TTLL11: variants seen among roughly 807,000 people sequenced by gnomAD.
The protein encoded by TTLL11 is tubulin tyrosine ligase like 11.
In TTLL11, 42 loss-of-function variants were observed where a neutral mutation model predicts 51.7. That is an observed-to-expected ratio of 0.81 (90% confidence interval 0.64 to 1.05). The LOEUF is 1.05. TTLL11 is among the 50% of genes least tolerant of loss of function. The pLI is 0.00. For synonymous variants in TTLL11, 381 were observed against 383.5 expected, an observed-to-expected ratio of 0.99 and a Z score of 0.08; for missense variants, 799 against 940.4, an observed-to-expected ratio of 0.85 and a Z score of 1.97.
rs200388791 is a variant in TTLL11 at position 122,031,747 on chromosome 9, G to T, written c.669C>A (p.Asp223Glu). ...NFYPRSWILP[D>E]EFQLFVAQVQ... The stretch of plus-strand genomic sequence containing the variant: ...CCTGAGCAACAAAGAGCTGGAACTC[G>T]TCAGGCAGAATCCATGAGCGAGGGT... The change falls in exon 3 of 9, where the codon GAC (aspartate) becomes GAA (glutamate). Residue 223 changes from aspartate (D) to glutamate (E), a missense_variant. This residue lies in a region of TTLL11 where 468 missense variants were observed against 612.8 expected (regional missense o/e 0.76). Coordinates refer to ENST00000321582, the MANE Select transcript of TTLL11 (RefSeq NM_001139442.2). The T allele has an allele frequency of 1.9e-6, 3 of 1,612,818 alleles. No individual in the cohort carries two copies. The highest frequency in any genetic ancestry group is 2.7e-5 in the African/African-American group (2 of 74,872).
chr9:121,820,545 G>C lies in TTLL11; in HGVS notation c.*2042C>G, dbSNP rs956655760. ...ACCCCAGGCAGCCCCGAGCGGGGTA[G>C]CTGCAGGGTCTTTACTTGGAGCTGA... On this transcript the variant is annotated 3_prime_UTR_variant, in exon 9 of 9. Transcript: ENST00000321582. 7.2e-4 allele frequency among the ~76,000 whole-genome samples: 109 copies of C among 152,156 alleles called. 8 individuals carry two copies. Among genetic ancestry groups the C allele is most frequent in the Non-Finnish European group, 5.9e-5 (4 of 68,038 alleles).
chr9:122,087,302 C>T (rs576612049), intron 1 of TTLL11, among the ~76,000 whole-genome samples: 3 of 152,092 alleles, frequency 2.0e-5, no homozygotes, highest in Non-Finnish European at 2.9e-5. Context: ...CTCCGCCTCC[C>T]GGGTTCAAGC....
At chr9:122,017,525 C>T (rs535119326) in intron 3 of TTLL11, among the ~76,000 whole-genome samples, 31 of 142,116 alleles carry the variant, frequency 2.2e-4, no homozygotes, top group Admixed American at 1.1e-3. Context: ...TGCAGAGGTG[C>T]GATCTTGGCT....
chr9:121,912,419 C>T (rs1195738061), intron 6 of TTLL11, among the ~76,000 whole-genome samples: 1 of 149,224 alleles, frequency 6.7e-6, no homozygotes, highest in Non-Finnish European at 1.5e-5. Context: ...TGCTTATGAT[C>T]CCCCAGATAT....
At chr9:121,944,382 C>A (rs1414343529) in intron 6 of TTLL11, among the ~76,000 whole-genome samples, 1 of 152,004 alleles carries the variant, frequency 6.6e-6, no homozygotes, top group Non-Finnish European at 1.5e-5. Flanking sequence ...GTGGCAGGCA[C>A]CTGTAGTCTC....
At chr9:121,907,666 A>G (rs993381176) in intron 6 of TTLL11, among the ~76,000 whole-genome samples, 2 of 152,188 alleles carry the variant, frequency 1.3e-5, no homozygotes, top group African/African-American at 4.8e-5. Flanking sequence ...TGTCTAGATT[A>G]TCTGCTCACT....
At chr9:122,002,310 C>T (rs1209165414) in intron 3 of TTLL11, among the ~76,000 whole-genome samples, 3 of 152,238 alleles carry the variant, frequency 2.0e-5, no homozygotes, top group Non-Finnish European at 4.4e-5. Flanking sequence ...GACTGCTCTT[C>T]CAAATTTACT....
At chr9:121,909,177 C>T (rs1284630268) in intron 6 of TTLL11, among the ~76,000 whole-genome samples, 3 of 152,160 alleles carry the variant, frequency 2.0e-5, no homozygotes, top group African/African-American at 7.2e-5. Flanking sequence ...CCAACCATAT[C>T]TGAGTGTTGG....
intron 1 of TTLL11, among the ~76,000 whole-genome samples, chr9:122,045,939 T>C (rs894200529): frequency 2.6e-5 from 4 of 152,158 alleles, no homozygotes; most frequent in Non-Finnish European, 5.9e-5. Context: ...GAGTGTCAGT[T>C]TGGGAAGATA....
intron 7 of TTLL11, among the ~76,000 whole-genome samples, chr9:121,870,138 C>T (rs929144919): frequency 2.6e-5 from 4 of 152,158 alleles, no homozygotes; most frequent in African/African-American, 7.2e-5. Context: ...GCTTCACGAA[C>T]GCCAAACACA....
intron 6 of TTLL11, among the ~76,000 whole-genome samples, chr9:121,963,422 G>A (rs768521091): frequency 2.0e-5 from 3 of 152,148 alleles, no homozygotes; most frequent in South Asian, 2.1e-4. Context: ...AACATTTAAG[G>A]TTCACTGGTG....
At chr9:121,940,005 C>T (rs988271451) in intron 6 of TTLL11, among the ~76,000 whole-genome samples, 5 of 152,090 alleles carry the variant, frequency 3.3e-5, no homozygotes, top group Non-Finnish European at 5.9e-5. Context: ...AGGTGACTGC[C>T]GAGAAAGGAC....
intron 8 of TTLL11, among the ~76,000 whole-genome samples, chr9:121,823,320 T>C (rs1836642603): frequency 6.6e-6 from 1 of 152,170 alleles, no homozygotes; most frequent in Non-Finnish European, 1.5e-5. Flanking sequence ...CCGAGGTGCG[T>C]GGATCACTTG....
intron 8 of TTLL11, among the ~76,000 whole-genome samples, chr9:121,836,922 T>C (rs76881693): frequency 0.013 from 2,039 of 152,332 alleles, 54 homozygotes; most frequent in African/African-American, 0.047. Context: ...TGGAAGTGAA[T>C]GCTGTTTGCA....
chr9:122,003,387 T>A (rs1466920076), intron 3 of TTLL11, among the ~76,000 whole-genome samples: 2 of 152,120 alleles, frequency 1.3e-5, no homozygotes, highest in East Asian at 1.9e-4. Context: ...TAGTCAATGG[T>A]GACGTTAGTC....
intron 3 of TTLL11, among the ~76,000 whole-genome samples, chr9:121,994,609 A>G (rs554172453): frequency 6.6e-6 from 1 of 152,288 alleles, no homozygotes; most frequent in Admixed American, 6.5e-5. Flanking sequence ...TGCCAGAATG[A>G]ATGAGAGATG....
chr9:121,839,795 G>A (rs1004686703), intron 8 of TTLL11, among the ~76,000 whole-genome samples: 18 of 152,176 alleles, frequency 1.2e-4, no homozygotes, highest in Admixed American at 5.9e-4. Context: ...CTCAGCCTCA[G>A]CCTTCTCAGC....
rs569258391 is a variant in TTLL11 at position 121,964,853 on chromosome 9, C to G, written c.1481+9156G>C. ...TCCTTGTCAGTTTTTAAAAGTTCTT[C>G]CCATCAGGAAATAACCTCTCCCCAC... On this transcript the variant is annotated intron_variant, in intron 6 of 8. Transcript: ENST00000321582. Among the ~76,000 whole-genome samples the G allele has an allele frequency of 3.9e-5, 6 of 152,254 alleles. No individual in the cohort carries two copies. In the South Asian group the frequency reaches 1.2e-3, roughly 32 times the overall value.
chr9:121,821,245 G>A lies in TTLL11; in HGVS notation c.*1342C>T, dbSNP rs1272408886. ...GGGACAGGATGTTGGAAGGAAGGAG[G>A]AGAAAGCTGCAGGAGCTTATTTGGG... is the stretch of plus-strand genomic sequence containing the variant. On this transcript the variant is annotated 3_prime_UTR_variant, in exon 9 of 9. Transcript: ENST00000321582. The surrounding 1 kb of genome is among the most constrained non-coding windows in gnomAD (Gnocchi z 5.0). Among the ~76,000 whole-genome samples, 1 of 152,130 alleles carries A rather than the reference G, an allele frequency of 6.6e-6. No individual in the cohort carries two copies. Among genetic ancestry groups the A allele is most frequent in the Non-Finnish European group, 1.5e-5 (1 of 68,020 alleles).
Sources: gnomAD v4.1 joint callset for allele counts (sites outside exome capture counted in the v4.1 genomes callset) on GRCh38, gnomAD v4.1.1 for gene constraint, gnomAD v4.1.1 regional missense constraint, Gnocchi (gnomAD v3.1) non-coding constraint, MANE v1.5 for transcripts, NCBI Gene and HGNC (gene_info 2026-07-23, HGNC 2026-07-21) for gene names.